The following SETBP1 variants were observed in gnomAD, a reference collection of about 807,000 sequenced individuals.
SETBP1 encodes the protein SET binding protein 1.
A neutral mutation model predicts 101.0 loss-of-function variants in SETBP1; 9 were observed. That is an observed-to-expected ratio of 0.09 (90% confidence interval 0.05 to 0.16). SETBP1 has a LOEUF of 0.16. Among genes scored for constraint, SETBP1 ranks in the 10% least tolerant of loss-of-function variants. The pLI, the probability that SETBP1 is intolerant of heterozygous loss-of-function variation, is 1.00. For synonymous variants in SETBP1, 818 were observed against 788.5 expected, an observed-to-expected ratio of 1.04 and a Z score of -0.63; for missense variants, 1,858 against 2,033.8, an observed-to-expected ratio of 0.91 and a Z score of 1.66.
At chr18:44,682,483 T>C (rs1418114703) in intron 1 of SETBP1, among the ~76,000 whole-genome samples, 1 of 152,136 alleles carries the variant, frequency 6.6e-6, no homozygotes, top group African/African-American at 2.4e-5. Flanking sequence ...ACTCCCTCCC[T>C]TTTTTTCTGA....
chr18:45,014,561 G>GAATT (rs1424067700), intron 4 of SETBP1, among the ~76,000 whole-genome samples: 1 of 152,188 alleles, frequency 6.6e-6, no homozygotes, highest in Non-Finnish European at 1.5e-5. Flanking sequence ...ACGGCTTGCT[G>GAATT]AATTTCCTCC....
At chr18:44,768,396 G>C (rs1244961165) in intron 2 of SETBP1, among the ~76,000 whole-genome samples, 2 of 152,186 alleles carry the variant, frequency 1.3e-5, no homozygotes, top group African/African-American at 4.8e-5. Flanking sequence ...GTATGTGTGT[G>C]TGTGTGGTAT....
intron 4 of SETBP1, among the ~76,000 whole-genome samples, chr18:44,995,529 T>TG (rs2072477041): frequency 3.5e-4 from 50 of 142,966 alleles, no homozygotes; most frequent in Non-Finnish European, 4.7e-4. Flanking sequence ...GTCCAGGCTT[T>TG]TGTGTGTGTG....
At chr18:44,771,614 A>G (rs2070875768) in intron 2 of SETBP1, among the ~76,000 whole-genome samples, 1 of 152,166 alleles carries the variant, frequency 6.6e-6, no homozygotes, top group Non-Finnish European at 1.5e-5. Flanking sequence ...AGAGACACCC[A>G]CGGTGAGGAG....
At chr18:44,984,542 G>T (rs920330427) in intron 4 of SETBP1, among the ~76,000 whole-genome samples, 2 of 152,134 alleles carry the variant, frequency 1.3e-5, no homozygotes, top group African/African-American at 4.8e-5. Context: ...GGTCCTAACA[G>T]CATACCAGTC....
chr18:45,047,941 G>T (rs760313569), intron 5 of SETBP1, among the ~76,000 whole-genome samples: 1 of 152,146 alleles, frequency 6.6e-6, no homozygotes, highest in South Asian at 2.1e-4. Flanking sequence ...ATCTTCCCAA[G>T]GAGTCTCCTC....
intron 2 of SETBP1, among the ~76,000 whole-genome samples, chr18:44,747,266 T>C (rs192648499): frequency 7.9e-5 from 12 of 152,300 alleles, no homozygotes; most frequent in Admixed American, 2.0e-4. Flanking sequence ...GGGTTAACAA[T>C]CTCATGAGCT....
chr18:44,850,288 C>T (rs964152001), intron 2 of SETBP1, among the ~76,000 whole-genome samples: 7 of 152,196 alleles, frequency 4.6e-5, no homozygotes, highest in South Asian at 2.1e-4. Flanking sequence ...TCAAGGGGGT[C>T]GTCAGTCCCA....
intron 2 of SETBP1, among the ~76,000 whole-genome samples, chr18:44,758,133 C>G (rs947399007): frequency 6.6e-6 from 1 of 152,080 alleles, no homozygotes; most frequent in Non-Finnish European, 1.5e-5. Context: ...ATTTTGCCAC[C>G]GATGCAGGGA....
At chr18:45,001,101 G>A (rs941141839) in intron 4 of SETBP1, among the ~76,000 whole-genome samples, 3 of 151,934 alleles carry the variant, frequency 2.0e-5, no homozygotes, top group South Asian at 2.1e-4. Context: ...TAACTCCTCC[G>A]AATCCAACAC....
At chr18:44,997,328 C>T (rs969379030) in intron 4 of SETBP1, among the ~76,000 whole-genome samples, 3 of 152,168 alleles carry the variant, frequency 2.0e-5, no homozygotes, top group African/African-American at 4.8e-5. Flanking sequence ...GCACACACAC[C>T]TTCCAGCATT....
At chr18:44,767,466 A>T (rs537042318) in intron 2 of SETBP1, among the ~76,000 whole-genome samples, 1 of 152,314 alleles carries the variant, frequency 6.6e-6, no homozygotes, top group African/African-American at 2.4e-5. Context: ...TTGAACTTAA[A>T]AGTTTCTAGT....
chr18:44,807,339 A>G (rs979018454), intron 2 of SETBP1, among the ~76,000 whole-genome samples: 3 of 151,964 alleles, frequency 2.0e-5, no homozygotes, highest in East Asian at 1.9e-4. Context: ...CTAAAGTATT[A>G]GTAAGTACTC....
At position 44,883,217 on chromosome 18, in the gene SETBP1, A is replaced by G. The variant is rs148897185; in HGVS notation, c.540+13934A>G. On this transcript the variant is annotated intron_variant, in intron 3 of 5. Transcript: ENST00000649279. ...GAGGACATCTCTGACTTGGTAACAT[A>G]GCCTCCACCATGAGAAAGATGTTCT... Among the ~76,000 whole-genome samples, 525 of 152,346 alleles carry G rather than the reference A, an allele frequency of 3.4e-3. 1 individual carries two copies. The highest frequency in any genetic ancestry group is 5.4e-3 in the Non-Finnish European group (369 of 68,030).
chr18:45,063,222 C>T lies in SETBP1; in HGVS notation c.4315C>T (p.Leu1439=). ...HVNKILKAKR[L]QRQSKTGNNF... ...GAACAAGATCCTGAAGGCCAAGCGG[C>T]TGCAGAGACAATCAAAAACAGGCAA... is the stretch of plus-strand genomic sequence containing the variant. The change falls in exon 6 of 6, where the codon CTG becomes TTG. Residue 1439 remains leucine (L), a synonymous_variant. Transcript: ENST00000649279. 1 of 1,614,034 alleles carries T rather than the reference C, an allele frequency of 6.2e-7. No individual in the cohort carries two copies. Among genetic ancestry groups the T allele is most frequent in the Non-Finnish European group, 8.5e-7 (1 of 1,179,978 alleles).
intron 2 of SETBP1, among the ~76,000 whole-genome samples, chr18:44,711,838 A>G (rs1255293526): frequency 1.3e-5 from 2 of 151,238 alleles, no homozygotes; most frequent in Non-Finnish European, 2.9e-5. Flanking sequence ...TGGGCTGACT[A>G]CACAACCTCT....
At chr18:44,683,017 A>G (rs1250231569) in intron 1 of SETBP1, among the ~76,000 whole-genome samples, 1 of 150,746 alleles carries the variant, frequency 6.6e-6, no homozygotes, top group Non-Finnish European at 1.5e-5. Context: ...GAGGTGGGGG[A>G]GGGGATGGCT....
intron 2 of SETBP1, among the ~76,000 whole-genome samples, chr18:44,789,150 C>T (rs980944652): frequency 6.6e-6 from 1 of 152,014 alleles, no homozygotes; most frequent in Non-Finnish European, 1.5e-5. Context: ...TCTTTTAGAT[C>T]TAATGGACTT....
chr18:44,912,094 T>C (rs1299922900), intron 3 of SETBP1, among the ~76,000 whole-genome samples: 1 of 152,180 alleles, frequency 6.6e-6, no homozygotes, highest in Non-Finnish European at 1.5e-5. Context: ...GGAAGTGGCA[T>C]TGAACTTTCC....
Sources: gnomAD v4.1 joint callset for allele counts (sites outside exome capture counted in the v4.1 genomes callset) on GRCh38, gnomAD v4.1.1 for gene constraint, MANE v1.5 for transcripts, NCBI Gene and HGNC (gene_info 2026-07-23, HGNC 2026-07-21) for gene names.